GPC5: variants seen among roughly 807,000 people sequenced by gnomAD.
The protein encoded by GPC5 is glypican-5.
A neutral mutation model predicts 53.9 loss-of-function variants in GPC5; 47 were observed. That is an observed-to-expected ratio of 0.87 (90% CI 0.69 to 1.11). The LOEUF is 1.11. Among genes scored for constraint, GPC5 ranks in the 50% most tolerant of loss-of-function variants. The probability of loss-of-function intolerance (pLI) is 0.00; values close to 1 mark genes in which losing one functional copy is unlikely to be tolerated. For missense variants in GPC5, 748 were observed against 713.1 expected (o/e 1.05, Z -0.56); for synonymous variants, 286 against 263.3 (o/e 1.09, Z -0.84).
intron 7 of GPC5, among the ~76,000 whole-genome samples, chr13:92,173,237 C>T (rs539444808): frequency 3.9e-5 from 6 of 152,052 alleles, no homozygotes; most frequent in Non-Finnish European, 7.4e-5. Flanking sequence ...CAGAGATCGG[C>T]CATTCTCACC....
chr13:91,943,772 T>G (rs1022283902), intron 6 of GPC5, among the ~76,000 whole-genome samples: 3 of 152,192 alleles, frequency 2.0e-5, no homozygotes, highest in African/African-American at 7.2e-5. Flanking sequence ...ATATCTTTTC[T>G]GTATTTGCTG....
intron 7 of GPC5, among the ~76,000 whole-genome samples, chr13:92,529,351 A>G (rs951136267): frequency 1.3e-5 from 2 of 152,228 alleles, no homozygotes; most frequent in Non-Finnish European, 2.9e-5. Flanking sequence ...AAGATTTTAC[A>G]TTGTACAAAG....
intron 7 of GPC5, among the ~76,000 whole-genome samples, chr13:92,361,664 C>A (rs2043568235): frequency 6.6e-6 from 1 of 151,516 alleles, no homozygotes; most frequent in Non-Finnish European, 1.5e-5. Context: ...ATGCAGGCAG[C>A]TAAAGAGGAG....
intron 7 of GPC5, among the ~76,000 whole-genome samples, chr13:92,736,088 C>A (rs1035465657): frequency 6.6e-6 from 1 of 151,932 alleles, no homozygotes; most frequent in Admixed American, 6.6e-5. Flanking sequence ...TACTCTCCAC[C>A]GTCATCCCCC....
At chr13:92,700,881 C>G (rs1887714186) in intron 7 of GPC5, among the ~76,000 whole-genome samples, 1 of 152,026 alleles carries the variant, frequency 6.6e-6, no homozygotes, top group African/African-American at 2.4e-5. Context: ...TCAGATCATT[C>G]TCTGTCTTTG....
intron 6 of GPC5, among the ~76,000 whole-genome samples, chr13:91,989,491 C>T (rs575862955): frequency 6.6e-6 from 1 of 152,218 alleles, no homozygotes; most frequent in African/African-American, 2.4e-5. Flanking sequence ...AACTGTATAA[C>T]CACATGCTAA....
At chr13:92,109,194 G>T (rs2041536347) in intron 6 of GPC5, among the ~76,000 whole-genome samples, 1 of 148,714 alleles carries the variant, frequency 6.7e-6, no homozygotes, top group Non-Finnish European at 1.5e-5. Flanking sequence ...AGCCTCCTAA[G>T]TAGCTGGGAC....
chr13:92,745,952 G>C (rs914162294), intron 7 of GPC5, among the ~76,000 whole-genome samples: 2 of 151,966 alleles, frequency 1.3e-5, no homozygotes, highest in Non-Finnish European at 2.9e-5. Flanking sequence ...ATAAATTTGA[G>C]CTCAAGCATT....
intron 7 of GPC5, among the ~76,000 whole-genome samples, chr13:92,478,907 A>T (rs1481931077): frequency 6.6e-6 from 1 of 152,142 alleles, no homozygotes; most frequent in African/African-American, 2.4e-5. Flanking sequence ...AGAGTAGCTG[A>T]TGGTGCTGGA....
At chr13:92,694,901 G>T (rs1887514089) in intron 7 of GPC5, among the ~76,000 whole-genome samples, 1 of 152,206 alleles carries the variant, frequency 6.6e-6, no homozygotes, top group Non-Finnish European at 1.5e-5. Context: ...TGTTGAGGGA[G>T]AGACTAGGAG....
chr13:92,750,382 C>G (rs994720813), intron 7 of GPC5, among the ~76,000 whole-genome samples: 2 of 151,772 alleles, frequency 1.3e-5, no homozygotes, highest in Admixed American at 1.3e-4. Flanking sequence ...ATTCTGTTTT[C>G]CGTTTTGGGG....
chr13:92,733,060 A>G (rs1197610256), intron 7 of GPC5, among the ~76,000 whole-genome samples: 2 of 151,736 alleles, frequency 1.3e-5, no homozygotes, highest in African/African-American at 4.8e-5. Flanking sequence ...CGGGACAACA[A>G]TTGAAGGATT....
At chr13:91,809,797 T>TG (rs2038281600) in intron 5 of GPC5, among the ~76,000 whole-genome samples, 1 of 152,050 alleles carries the variant, frequency 6.6e-6, no homozygotes, top group African/African-American at 2.4e-5. Context: ...AATATATATG[T>TG]GAAAAATTCT....
At chr13:92,181,679 C>T (rs958213087) in intron 7 of GPC5, among the ~76,000 whole-genome samples, 1 of 152,106 alleles carries the variant, frequency 6.6e-6, no homozygotes, top group Non-Finnish European at 1.5e-5. Context: ...AGATACATAA[C>T]CTACTAGAAA....
At chr13:91,819,092 A>T (rs1307012196) in intron 5 of GPC5, among the ~76,000 whole-genome samples, 1 of 150,320 alleles carries the variant, frequency 6.7e-6, no homozygotes, top group African/African-American at 2.4e-5. Context: ...TTGCTGTCAG[A>T]TGTAAGCAAT....
chr13:91,856,221 T>C (rs1012006280), intron 5 of GPC5, among the ~76,000 whole-genome samples: 1 of 151,466 alleles, frequency 6.6e-6, no homozygotes, highest in African/African-American at 2.4e-5. Context: ...AAAAACATAT[T>C]TTTCTTTGGA....
chr13:91,961,692 GC>G (rs747517083), intron 6 of GPC5, among the ~76,000 whole-genome samples: 12 of 152,066 alleles, frequency 7.9e-5, no homozygotes, highest in Non-Finnish European at 1.8e-4. Context: ...TTATGTTCAT[GC>G]ATATGATACG....
At chr13:92,127,026 AT>A (rs199837661) in intron 6 of GPC5, among the ~76,000 whole-genome samples, 6 of 151,254 alleles carry the variant, frequency 4.0e-5, no homozygotes, top group Admixed American at 3.3e-4. Context: ...AGCTGGTCAT[AT>A]TTTTTTTTCC....
At chr13:92,289,249 G>A (rs1173172011) in intron 7 of GPC5, among the ~76,000 whole-genome samples, 1 of 152,066 alleles carries the variant, frequency 6.6e-6, no homozygotes, top group African/African-American at 2.4e-5. Flanking sequence ...ATTTTAGAAT[G>A]TATTTATCCA....
Sources: allele counts gnomAD v4.1 joint callset (sites outside exome capture counted in the v4.1 genomes callset), GRCh38; gene constraint gnomAD v4.1.1; transcripts MANE v1.5; gene names NCBI Gene and HGNC (gene_info 2026-07-23, HGNC 2026-07-21).